The following PDSS2 variants were observed in gnomAD, a reference collection of about 807,000 sequenced individuals.
PDSS2 encodes the protein decaprenyl diphosphate synthase subunit 2, also known as all trans-polyprenyl-diphosphate synthase PDSS2.
Under a neutral mutation model 44.5 loss-of-function variants are expected in PDSS2, and 31 were observed. That is an observed-to-expected ratio of 0.70 (90% CI 0.52 to 0.94). The LOEUF (loss-of-function observed/expected upper bound fraction) is 0.94. Among genes scored for constraint, PDSS2 ranks in the 40% least tolerant of loss-of-function variants. The pLI is 0.00. For missense variants in PDSS2, 452 were observed against 482.2 expected (o/e 0.94, Z 0.59); for synonymous variants, 157 against 180.3 (o/e 0.87, Z 1.03).
intron 1 of PDSS2, among the ~76,000 whole-genome samples, chr6:107,363,316 C>T (rs547510699): frequency 1.3e-5 from 2 of 152,198 alleles, no homozygotes; most frequent in South Asian, 4.1e-4. Context: ...GCCGCAGACC[C>T]TCGCGGTGAG....
chr6:107,302,522 C>A (rs1210794098), intron 2 of PDSS2, among the ~76,000 whole-genome samples: 1 of 152,068 alleles, frequency 6.6e-6, no homozygotes, highest in African/African-American at 2.4e-5. Context: ...CCTGCCTCGG[C>A]CTTTCTAAAC....
chr6:107,300,198 T>C (rs555288031), intron 2 of PDSS2, among the ~76,000 whole-genome samples: 45 of 152,152 alleles, frequency 3.0e-4, no homozygotes, highest in Non-Finnish European at 5.7e-4. Context: ...CAAATCGTTC[T>C]TCAAATGAAG....
rs150536770 is a variant in PDSS2 at position 107,218,820 on chromosome 6, G to T, written c.703-6538C>A. ...TGCCTATAATCCCAGCACTTTGGGA[G>T]GCCAAGGCGGCCGGATCACCTGAGG... is the stretch of plus-strand genomic sequence containing the variant. On this transcript the variant is annotated intron_variant, in intron 4 of 7. Transcript: ENST00000369037. Among the ~76,000 whole-genome samples the T allele has an allele frequency of 2.1e-3, 321 of 152,272 alleles. 2 individuals are homozygous for T. Among genetic ancestry groups the T allele is most frequent in the African/African-American group, 7.4e-3 (307 of 41,564 alleles).
chr6:107,326,805 T>C (rs2115198981), intron 2 of PDSS2, among the ~76,000 whole-genome samples: 1 of 151,330 alleles, frequency 6.6e-6, no homozygotes, highest in East Asian at 2.0e-4. Flanking sequence ...TGAGCCGAGA[T>C]CATGCCATTG....
At chr6:107,387,752 CTGGTAGAAA>C (rs1395437995) in intron 1 of PDSS2, among the ~76,000 whole-genome samples, 1 of 152,176 alleles carries the variant, frequency 6.6e-6, no homozygotes, top group Non-Finnish European at 1.5e-5. Context: ...AACTGTGAGC[CTGGTAGAAA>C]ACTGTATTAG....
At chr6:107,312,893 C>T (rs1777086891) in intron 2 of PDSS2, among the ~76,000 whole-genome samples, 1 of 152,160 alleles carries the variant, frequency 6.6e-6, no homozygotes, top group Non-Finnish European at 1.5e-5. Flanking sequence ...ATGGTATTGT[C>T]CCCAATTTTA....
chr6:107,172,114 C>A (rs1771600805), intron 7 of PDSS2, among the ~76,000 whole-genome samples: 1 of 152,078 alleles, frequency 6.6e-6, no homozygotes, highest in Admixed American at 6.6e-5. Flanking sequence ...GCTAGGGGAT[C>A]CAATTAAAGA....
intron 1 of PDSS2, among the ~76,000 whole-genome samples, chr6:107,345,774 G>C (rs1446393086): frequency 6.6e-6 from 1 of 152,142 alleles, no homozygotes; most frequent in Non-Finnish European, 1.5e-5. Flanking sequence ...TGGTTCAGAA[G>C]TTCAAAAATT....
At chr6:107,303,136 T>C (rs2500589) in intron 2 of PDSS2, among the ~76,000 whole-genome samples, 36,606 of 152,086 alleles carry the variant, frequency 0.24, 5,801 homozygotes, top group Middle Eastern at 0.48. Flanking sequence ...TGCTGTGTCA[T>C]TCCATCGCAG....
intron 1 of PDSS2, among the ~76,000 whole-genome samples, chr6:107,365,286 T>A (rs1046040992): frequency 6.6e-6 from 1 of 152,036 alleles, no homozygotes; most frequent in Non-Finnish European, 1.5e-5. Flanking sequence ...AGAATTAAAA[T>A]GGGTATTATT....
At chr6:107,177,932 G>T (rs1217123076) in intron 7 of PDSS2, among the ~76,000 whole-genome samples, 1 of 152,136 alleles carries the variant, frequency 6.6e-6, no homozygotes, top group African/African-American at 2.4e-5. Flanking sequence ...AGTCCTGGGG[G>T]TATTTGAGGA....
At chr6:107,306,284 C>T (rs1776856948) in intron 2 of PDSS2, among the ~76,000 whole-genome samples, 1 of 152,078 alleles carries the variant, frequency 6.6e-6, no homozygotes. Context: ...GCAGGTCTTT[C>T]CCGTGCTGTT....
intron 2 of PDSS2, among the ~76,000 whole-genome samples, chr6:107,331,225 G>A (rs747281747): frequency 6.6e-6 from 1 of 152,090 alleles, no homozygotes; most frequent in Non-Finnish European, 1.5e-5. Context: ...TTCAGGGGTA[G>A]AGAAACAAAT....
At chr6:107,250,804 C>T (rs1182871405) in intron 3 of PDSS2, among the ~76,000 whole-genome samples, 2 of 152,160 alleles carry the variant, frequency 1.3e-5, no homozygotes, top group Non-Finnish European at 2.9e-5. Flanking sequence ...ACTAGTACAG[C>T]AGACCACTCT....
chr6:107,291,719 A>T (rs1226433791), intron 2 of PDSS2, among the ~76,000 whole-genome samples: 1 of 151,882 alleles, frequency 6.6e-6, no homozygotes, highest in Non-Finnish European at 1.5e-5. Flanking sequence ...CAACCATGAG[A>T]GGCCAAGTGC....
intron 2 of PDSS2, among the ~76,000 whole-genome samples, chr6:107,277,769 A>G (rs766340406): frequency 3.9e-5 from 6 of 152,250 alleles, no homozygotes; most frequent in Non-Finnish European, 5.9e-5. Context: ...CCTGGCCAAC[A>G]TGGTGAAACC....
intron 1 of PDSS2, among the ~76,000 whole-genome samples, chr6:107,458,050 G>A (rs1413491883): frequency 6.6e-6 from 1 of 152,092 alleles, no homozygotes; most frequent in Non-Finnish European, 1.5e-5. Flanking sequence ...TGTATATATT[G>A]ACATATATAG....
At chr6:107,273,249 GC>G (rs1208836324) in intron 3 of PDSS2, among the ~76,000 whole-genome samples, 25 of 152,014 alleles carry the variant, frequency 1.6e-4, no homozygotes, top group Admixed American at 1.6e-3. Flanking sequence ...CTCCCAAAGT[GC>G]TGGGATTACA....
intron 7 of PDSS2, among the ~76,000 whole-genome samples, chr6:107,161,875 CTG>C (rs1334918763): frequency 1.3e-5 from 2 of 152,072 alleles, no homozygotes; most frequent in African/African-American, 4.8e-5. Flanking sequence ...ATATGTGTGT[CTG>C]TGTGTGTGTT....
Sources: allele counts gnomAD v4.1 joint callset (sites outside exome capture counted in the v4.1 genomes callset), GRCh38; gene constraint gnomAD v4.1.1; transcripts MANE v1.5; gene names NCBI Gene and HGNC (gene_info 2026-07-23, HGNC 2026-07-21).